The following CAMK4 variants were observed in gnomAD, a reference collection of about 807,000 sequenced individuals.
CAMK4 encodes calcium/calmodulin-dependent protein kinase type IV.
Under a neutral mutation model 44.9 loss-of-function variants are expected in CAMK4, and 22 were observed. The ratio of observed to expected loss-of-function variants is 0.49; its 90% CI spans 0.35 to 0.70. CAMK4 has a LOEUF of 0.70. Ranked by LOEUF, CAMK4 falls within the 30% of genes least tolerant of loss-of-function variation. The pLI is 0.01. For missense variants in CAMK4, 498 were observed against 586.8 expected (o/e 0.85, Z 1.56); for synonymous variants, 218 against 215.4 (o/e 1.01, Z -0.11).
chr5:111,362,521 C>A (rs1342322210), intron 2 of CAMK4, among the ~76,000 whole-genome samples: 3 of 151,360 alleles, frequency 2.0e-5, no homozygotes, highest in Non-Finnish European at 3.0e-5. Context: ...ACAAATAAAC[C>A]AAAATGCTAA....
intron 5 of CAMK4, among the ~76,000 whole-genome samples, chr5:111,415,791 C>G (rs900926771): frequency 6.6e-6 from 1 of 152,046 alleles, no homozygotes; most frequent in Non-Finnish European, 1.5e-5. Context: ...TCCATGGATC[C>G]AGTCAACCTT....
At chr5:111,353,289 C>G (rs1277803187) in intron 2 of CAMK4, among the ~76,000 whole-genome samples, 2 of 139,396 alleles carry the variant, frequency 1.4e-5, no homozygotes, top group East Asian at 4.4e-4. Flanking sequence ...CTCAGAGAGG[C>G]TAGCTACCCA....
intron 1 of CAMK4, among the ~76,000 whole-genome samples, chr5:111,237,045 C>G (rs1042053813): frequency 2.0e-5 from 3 of 152,080 alleles, no homozygotes; most frequent in African/African-American, 7.2e-5. Context: ...TACGTGTCTC[C>G]CTCTCATTAG....
Position 111,380,628 on chromosome 5 carries a change from T to A in CAMK4, c.386+3686T>A, listed in dbSNP as rs184525437. 5.4e-3 allele frequency among the ~76,000 whole-genome samples: 822 copies of A among 152,288 alleles called. 11 individuals are homozygous for A. The highest frequency in any genetic ancestry group is 0.021 in the South Asian group (101 of 4,830). ...GAACATGCGGTATTTGGTTTTCTGTTCTTGTGTTAGTTTGCTAAGGATAAT... is the reference window on the plus strand; with the variant it reads ...GAACATGCGGTATTTGGTTTTCTGTACTTGTGTTAGTTTGCTAAGGATAAT... On this transcript the variant is annotated intron_variant, in intron 4 of 10. Transcript: ENST00000282356.
chr5:111,356,406 C>G (rs1341178082), intron 2 of CAMK4, among the ~76,000 whole-genome samples: 1 of 152,134 alleles, frequency 6.6e-6, no homozygotes, highest in Non-Finnish European at 1.5e-5. Context: ...GATATTAGCC[C>G]TTTGTCAGAT....
chr5:111,465,628 A>G (rs992597801), intron 7 of CAMK4, among the ~76,000 whole-genome samples: 93 of 152,194 alleles, frequency 6.1e-4, no homozygotes, highest in African/African-American at 2.1e-3. Flanking sequence ...ATTCCTGGAA[A>G]TATACCACCC....
chr5:111,237,812 G>A (rs1357521102), intron 1 of CAMK4, among the ~76,000 whole-genome samples: 1 of 152,106 alleles, frequency 6.6e-6, no homozygotes, highest in African/African-American at 2.4e-5. Flanking sequence ...CTAAGGAGAG[G>A]GTCTTGAAGG....
chr5:111,413,590 A>T (rs1490815080), intron 5 of CAMK4, among the ~76,000 whole-genome samples: 2 of 151,858 alleles, frequency 1.3e-5, no homozygotes, highest in Middle Eastern at 3.4e-3. Context: ...AAAAAAAAAA[A>T]ATTATTATGG....
chr5:111,272,876 G>A (rs185129685), intron 1 of CAMK4, among the ~76,000 whole-genome samples: 7 of 152,182 alleles, frequency 4.6e-5, no homozygotes, highest in East Asian at 1.9e-4. Context: ...ATACCCAGTC[G>A]TCAGATTATT....
In CAMK4 at chr5:111,224,435, G is replaced by GGGCGGC. The variant is rs1561344095; in HGVS notation, c.-46_-45insGGCGGC. The GGGCGGC allele has an allele frequency of 1.3e-6, 2 of 1,534,048 alleles. No individual in the cohort carries two copies. The highest frequency in any genetic ancestry group is 2.9e-5 in the African/African-American group (2 of 69,494). On this transcript the variant is annotated 5_prime_UTR_variant, in exon 1 of 11. Coordinates refer to ENST00000282356, the MANE Select transcript of CAMK4 (RefSeq NM_001744.6). The surrounding 1 kb of genome is among the most constrained non-coding windows in gnomAD (Gnocchi z 5.7). ...GCGGCTGGCGGCCGGCTTCTCGCTC[G>GGGCGGC]GGCAGCGGCGGCGGCGGCGGCGGCG...
chr5:111,473,260 T>G (rs772987229), intron 7 of CAMK4, 51 bp from the exon 8 acceptor site: 2 of 1,161,082 alleles, frequency 1.7e-6, no homozygotes, highest in Non-Finnish European at 1.3e-6. Flanking sequence ...GATATTAAAA[T>G]ATAAATATTG....
intron 4 of CAMK4, among the ~76,000 whole-genome samples, chr5:111,383,622 ATT>A (rs10671641): frequency 6.3e-5 from 9 of 141,986 alleles, no homozygotes; most frequent in Non-Finnish European, 7.7e-5. Context: ...AGGGGAGATA[ATT>A]TTTTTTTTTT....
intron 1 of CAMK4, among the ~76,000 whole-genome samples, chr5:111,271,964 T>C (rs1398809783): frequency 6.6e-6 from 1 of 152,176 alleles, no homozygotes; most frequent in African/African-American, 2.4e-5. Flanking sequence ...TCTTGAATAG[T>C]CTTTTTAAAT....
chr5:111,242,105 A>C (rs564926235), intron 1 of CAMK4, among the ~76,000 whole-genome samples: 136 of 152,316 alleles, frequency 8.9e-4, no homozygotes, highest in Middle Eastern at 3.4e-3. Flanking sequence ...CAACAGCCAC[A>C]AGAAAACCTG....
Position 111,452,035 on chromosome 5 carries a change from T to C in CAMK4, c.625+2832T>C, listed in dbSNP as rs868234474. Among the ~76,000 whole-genome samples, 22 of 152,368 alleles carry C rather than the reference T, an allele frequency of 1.4e-4. No homozygotes were observed. The South Asian group carries it at 2.7e-3, about 19-fold the overall frequency. On this transcript the variant is annotated intron_variant, in intron 7 of 10. Coordinates refer to ENST00000282356, the MANE Select transcript of CAMK4 (RefSeq NM_001744.6). The stretch of plus-strand genomic sequence containing the variant: ...TCCATCTAAGCATTTTATAATATTG[T>C]TTTAATGAGTTAGTATTAATTCTGG...
chr5:111,406,194 T>TTCCCTC (rs1554068655), intron 5 of CAMK4, among the ~76,000 whole-genome samples: 18 of 136,852 alleles, frequency 1.3e-4, no homozygotes, highest in East Asian at 4.4e-4. Context: ...CTAATTTATT[T>TTCCCTC]TCTCTCTCTC....
intron 1 of CAMK4, among the ~76,000 whole-genome samples, chr5:111,287,606 T>C (rs1751292342): frequency 1.3e-5 from 2 of 152,222 alleles, no homozygotes; most frequent in Admixed American, 6.5e-5. Context: ...AATGTCAAAA[T>C]GTTTTTGCAT....
At chr5:111,449,918 G>A (rs1453808643) in intron 7 of CAMK4, 1 of 152,152 alleles carries the variant, frequency 6.6e-6, no homozygotes, top group Non-Finnish European at 1.5e-5. Context: ...TGTGATTATT[G>A]AATATGTCAC....
Position 111,488,659 on chromosome 5 carries a change from A to G in CAMK4, c.*4193A>G, listed in dbSNP as rs937660911. On this transcript the variant is annotated 3_prime_UTR_variant, in exon 11 of 11. Coordinates refer to ENST00000282356, the MANE Select transcript of CAMK4 (RefSeq NM_001744.6). ...TTGTATTTCAAGTTGGAAAAAGAAA[A>G]GTAAATGCCAGAAAAGGCAAAGGAT... 3.9e-5 allele frequency: 6 copies of G among 152,228 alleles called. No individual in the cohort carries two copies. Among genetic ancestry groups the G allele is most frequent in the African/African-American group, 1.4e-4 (6 of 41,464 alleles). The allele number at this position is 152,228 out of a possible 1,614,324, so 9.4% of individuals were successfully genotyped here. A position where few individuals can be genotyped will look rare whatever the true frequency, so the allele number is the denominator to read the frequency against.
Sources: allele counts gnomAD v4.1 joint callset (sites outside exome capture counted in the v4.1 genomes callset), GRCh38; gene constraint gnomAD v4.1.1; non-coding constraint Gnocchi (gnomAD v3.1); transcripts MANE v1.5; gene names NCBI Gene and HGNC (gene_info 2026-07-23, HGNC 2026-07-21).